Variants in ESR2 observed in about 807,000 individuals in gnomAD.
The protein encoded by ESR2 is estrogen receptor 2.
Under a neutral mutation model 49.6 loss-of-function variants are expected in ESR2, and 36 were observed. The observed-to-expected ratio is 0.73, with a 90% CI of 0.56 to 0.96. The LOEUF is 0.96. ESR2 is among the 40% of genes least tolerant of loss of function. The pLI, the probability that ESR2 is intolerant of heterozygous loss-of-function variation, is 0.00. For missense variants in ESR2, 714 were observed against 693.0 expected, an observed-to-expected ratio of 1.03 and a Z score of -0.34; for synonymous variants, 320 against 266.1, an observed-to-expected ratio of 1.20 and a Z score of -1.97.
intron 6 of ESR2, among the ~76,000 whole-genome samples, chr14:64,252,169 CAG>C (rs774535732): frequency 4.6e-5 from 7 of 152,010 alleles, no homozygotes; most frequent in Non-Finnish European, 8.8e-5. Flanking sequence ...AATAATAAAC[CAG>C]GCATGGTAGC....
chr14:64,250,507 C>G (rs1022939803), intron 6 of ESR2, among the ~76,000 whole-genome samples: 2 of 152,200 alleles, frequency 1.3e-5, no homozygotes, highest in African/African-American at 2.4e-5. Flanking sequence ...CACCTCACTG[C>G]TCCCCCAAAA....
rs2098726460 is a variant in ESR2 at position 64,230,826 on chromosome 14, G to A, written c.*2311C>T. ...TGCCAGTTCACTCCCAGGAGTAGAAGTGATCTCTGTCTTAAGATCTACTCT... is the reference window on the plus strand; with the variant it reads ...TGCCAGTTCACTCCCAGGAGTAGAAATGATCTCTGTCTTAAGATCTACTCT... On this transcript the variant is annotated 3_prime_UTR_variant, in exon 9 of 9. Transcript: ENST00000341099. The A allele has an allele frequency of 6.8e-6, 1 of 146,826 alleles. No individual in the cohort carries two copies. Among genetic ancestry groups the A allele is most frequent in the South Asian group, 2.2e-4 (1 of 4,626 alleles). 9.1% of individuals were successfully genotyped at this position (146,826 alleles called of 1,614,324 possible).
At chr14:64,288,386 T>C (rs1272283941) in intron 1 of ESR2, among the ~76,000 whole-genome samples, 1 of 150,356 alleles carries the variant, frequency 6.7e-6, no homozygotes, top group Non-Finnish European at 1.5e-5. Context: ...TCTTGCTCTG[T>C]TGCCCAGGCT....
At chr14:64,259,582 C>T (rs1268893474) in intron 5 of ESR2, among the ~76,000 whole-genome samples, 1 of 152,196 alleles carries the variant, frequency 6.6e-6, no homozygotes, top group Non-Finnish European at 1.5e-5. Context: ...TAGCATCATA[C>T]AGCACTTCAG....
chr14:64,303,361 A>G (rs1469887072), intron 1 of ESR2: 1 of 147,196 alleles, frequency 6.8e-6, no homozygotes, highest in Non-Finnish European at 1.5e-5. Context: ...TAAACATTAC[A>G]TACAAATCAG....
downstream of ESR2, chr14:64,227,362 G>T (rs2098722348): frequency 8.6e-6 from 6 of 696,154 alleles, 1 homozygote; most frequent in Middle Eastern, 2.6e-4. Flanking sequence ...TTATCAAATT[G>T]TTGGATTGAT....
At chr14:64,253,396 G>A (rs1467754192) in intron 6 of ESR2, among the ~76,000 whole-genome samples, 1 of 151,896 alleles carries the variant, frequency 6.6e-6, no homozygotes, top group Admixed American at 6.6e-5. Context: ...TCATCATGTT[G>A]CTCAGGCTTG....
At chr14:64,246,452 C>T (rs2075857839) in intron 7 of ESR2, among the ~76,000 whole-genome samples, 1 of 151,990 alleles carries the variant, frequency 6.6e-6, no homozygotes, top group African/African-American at 2.4e-5. Context: ...CTCCTGAGGC[C>T]TCCCCAGCCA....
At chr14:64,337,783 T>C (rs1307498810) in intron 1 of ESR2, 1 of 152,180 alleles carries the variant, frequency 6.6e-6, no homozygotes, top group African/African-American at 2.4e-5. Context: ...CCCAAATTTT[T>C]TTAAAAGTCT....
At chr14:64,287,079 C>T (rs1029559969) in intron 1 of ESR2, among the ~76,000 whole-genome samples, 1 of 151,824 alleles carries the variant, frequency 6.6e-6, no homozygotes, top group African/African-American at 2.4e-5. Flanking sequence ...TAAAACTTAC[C>T]ATCTTAGCCA....
chr14:64,314,488 G>A (rs1223877748), intron 1 of ESR2, among the ~76,000 whole-genome samples: 2 of 147,940 alleles, frequency 1.4e-5, no homozygotes, highest in African/African-American at 5.0e-5. Context: ...GCAAGCAGAA[G>A]GAAGGAAATA....
intron 1 of ESR2, among the ~76,000 whole-genome samples, chr14:64,317,955 T>C (rs1302810813): frequency 6.6e-6 from 1 of 152,168 alleles, no homozygotes; most frequent in African/African-American, 2.4e-5. Context: ...AGGATATCCA[T>C]GCTTATTGTT....
chr14:64,227,422 T>TAACTC, downstream of ESR2: 1 of 1,276,718 alleles, frequency 7.8e-7, no homozygotes, highest in African/African-American at 1.5e-5. Context: ...CAAAGTATTT[T>TAACTC]AACTCTTTCT....
rs2098728560 is a variant in ESR2, at chr14:64,232,843, A to G, written c.*294T>C. On this transcript the variant is annotated 3_prime_UTR_variant, in exon 9 of 9. Transcript: ENST00000341099. ...CATTCCAAAACCTTTAAGATGTTTC[A>G]CAAAGGGGAGGAAGGAAGAAGGAAA... is the stretch of plus-strand genomic sequence containing the variant. 1 of 341,768 alleles carries G rather than the reference A, an allele frequency of 2.9e-6. No homozygotes were observed. Among genetic ancestry groups the G allele is most frequent in the South Asian group, 9.7e-5 (1 of 10,316 alleles). 21.2% of individuals were successfully genotyped at this position (341,768 alleles called of 1,614,324 possible). A position where few individuals can be genotyped will look rare whatever the true frequency, so the allele number is the denominator to read the frequency against.
chr14:64,259,096 A>C (rs1400653499), intron 5 of ESR2, among the ~76,000 whole-genome samples: 1 of 152,244 alleles, frequency 6.6e-6, no homozygotes, highest in Non-Finnish European at 1.5e-5. Flanking sequence ...CGTGTTTGGA[A>C]TACATTTAAA....
chr14:64,260,849 A>C, intron 4 of ESR2, 101 bp from the exon 5 acceptor site: 2 of 1,119,426 alleles, frequency 1.8e-6, no homozygotes, highest in Non-Finnish European at 2.4e-6. Context: ...GCACGTACCA[A>C]AGATTACTAT....
chr14:64,246,766 A>AAAAC (rs1567739377), intron 7 of ESR2, among the ~76,000 whole-genome samples: 2 of 133,988 alleles, frequency 1.5e-5, no homozygotes, highest in African/African-American at 5.5e-5. Flanking sequence ...AAAAAAAAAA[A>AAAAC]ACACACCTGG....
chr14:64,334,467 C>T (rs1256752726), intron 1 of ESR2, among the ~76,000 whole-genome samples: 1 of 152,168 alleles, frequency 6.6e-6, no homozygotes, highest in Non-Finnish European at 1.5e-5. Context: ...CATGACAAGG[C>T]AGCTGCTTTA....
chr14:64,332,940 G>C (rs565712058), intron 1 of ESR2, among the ~76,000 whole-genome samples: 1 of 145,670 alleles, frequency 6.9e-6, no homozygotes. Context: ...GCAGTGGCGC[G>C]ATCTCAGCTC....
Sources: gnomAD v4.1 joint callset for allele counts (sites outside exome capture counted in the v4.1 genomes callset) on GRCh38, gnomAD v4.1.1 for gene constraint, MANE v1.5 for transcripts, NCBI Gene and HGNC (gene_info 2026-07-23, HGNC 2026-07-21) for gene names.